The following SNRNP200 variants were observed in gnomAD, a reference collection of about 807,000 sequenced individuals.
SNRNP200 encodes the protein U5 small nuclear ribonucleoprotein 200 kDa helicase.
SNRNP200 carries 66 observed loss-of-function variants against 255.2 expected under a neutral mutation model. That is an observed-to-expected ratio of 0.26 (90% CI 0.21 to 0.32). The LOEUF (loss-of-function observed/expected upper bound fraction) is 0.32. Among genes scored for constraint, SNRNP200 ranks in the 10% least tolerant of loss-of-function variants. The pLI is 1.00. For missense variants in SNRNP200, 1,585 were observed against 2,749.8 expected (o/e 0.58, Z 9.47); for synonymous variants, 939 against 1,027.8 (o/e 0.91, Z 1.65).
rs1295184915 is a variant in SNRNP200 at position 96,277,731 on chromosome 2, A to G, written c.5755-16T>C. ...GCCGGATTGCCTGAACAGGAAAAGGAGTATAAAAGTGGGCGGAGTTGGAGC... is the reference window on the plus strand; with the variant it reads ...GCCGGATTGCCTGAACAGGAAAAGGGGTATAAAAGTGGGCGGAGTTGGAGC... On this transcript the variant is annotated splice_polypyrimidine_tract_variant and intron_variant, in intron 40 of 44. Transcript: ENST00000323853. The surrounding 1 kb of genome is among the most constrained non-coding windows in gnomAD (Gnocchi z 4.4). 10 of 1,614,164 alleles carry G rather than the reference A, an allele frequency of 6.2e-6. No homozygotes were observed. The highest frequency in any genetic ancestry group is 8.5e-6 in the Non-Finnish European group (10 of 1,180,038).
chr2:96,300,205 C>G (rs764228040), intron 5 of SNRNP200, among the ~76,000 whole-genome samples: 17 of 152,152 alleles, frequency 1.1e-4, no homozygotes, highest in Non-Finnish European at 2.1e-4. Flanking sequence ...TCTCAAAGTA[C>G]CCCACTTATT....
Position 96,285,285 on chromosome 2 carries a change from G to A in SNRNP200, c.4059C>T (p.Gly1353=), listed in dbSNP as rs1396700146. 18 of 1,614,012 alleles carry A rather than the reference G, an allele frequency of 1.1e-5. No homozygotes were observed. The highest frequency in any genetic ancestry group is 1.4e-5 in the Non-Finnish European group (17 of 1,180,040). Residue 1353 remains glycine (G), a synonymous_variant, in exon 30 of 45, where the codon GGC becomes GGT. Transcript: ENST00000323853. ...DDNVFVGAPT[G]SGKTICAEFA... ...ACTCTGCACAAATAGTCTTCCCGCT[G>A]CCCGTGGGGGCCCCCACAAACACGT...
chr2:96,287,613 C>A lies in SNRNP200; in HGVS notation c.3366-56G>T, dbSNP rs2063851678. ...CCTTCTGCAGGGATGTGACAAACCA[C>A]CCACTTCATGGCTTCCAATAGTTTA... On this transcript the variant is annotated intron_variant, in intron 25 of 44. Transcript: ENST00000323853. This position sits in a 1 kb window ranked among gnomAD's most constrained non-coding sequence, Gnocchi z 5.7. The A allele has an allele frequency of 5.4e-6, 7 of 1,285,660 alleles. No individual in the cohort carries two copies. The highest frequency in any genetic ancestry group is 8.0e-6 in the Non-Finnish European group (7 of 880,378). 79.6% of individuals were successfully genotyped at this position (1,285,660 alleles called of 1,614,324 possible).
At chr2:96,303,003 G>A (rs2063962596) in intron 3 of SNRNP200, among the ~76,000 whole-genome samples, 156 bp downstream of exon 3, 1 of 152,154 alleles carries the variant, frequency 6.6e-6, no homozygotes, top group African/African-American at 2.4e-5. Context: ...TAAATGACCA[G>A]CCTCCATTCT....
intron 3 of SNRNP200, 79 bp downstream of exon 3, chr2:96,303,080 A>G: frequency 6.7e-7 from 1 of 1,494,318 alleles, no homozygotes; most frequent in African/African-American, 1.4e-5. Flanking sequence ...TAGCACTTCG[A>G]AGATTCCAAG....
In SNRNP200 at chr2:96,291,594, A is replaced by G; in HGVS notation, c.2311-92T>C. On this transcript the variant is annotated intron_variant, in intron 17 of 44. Transcript: ENST00000323853. The surrounding 1 kb of genome is among the most constrained non-coding windows in gnomAD (Gnocchi z 4.2). ...CTCCTCCCATGAGACCCTGCCCCTT[A>G]ACTATTATGTGGAATAGTAATAATC... 1.6e-6 allele frequency: 2 copies of G among 1,240,220 alleles called. No individual in the cohort carries two copies. The highest frequency in any genetic ancestry group is 2.4e-6 in the Non-Finnish European group (2 of 843,294). The allele number at this position is 1,240,220 out of a possible 1,614,324, so 76.8% of individuals were successfully genotyped here.
chr2:96,281,984 G>A (rs548742328), intron 34 of SNRNP200, 62 bp from the exon 35 acceptor site: 2 of 1,282,620 alleles, frequency 1.6e-6, no homozygotes, highest in African/African-American at 1.5e-5. Context: ...TAGGCTCACT[G>A]CCTCATGGGC....
chr2:96,301,448 A>G (rs1367318848), intron 4 of SNRNP200, 76 bp downstream of exon 4: 2 of 1,454,532 alleles, frequency 1.4e-6, no homozygotes, highest in Middle Eastern at 1.7e-4. Flanking sequence ...TTTTTAAATG[A>G]ATGATGCTAG....
intron 9 of SNRNP200, among the ~76,000 whole-genome samples, chr2:96,297,967 C>T (rs1037825745): frequency 6.6e-6 from 1 of 152,196 alleles, no homozygotes; most frequent in African/African-American, 2.4e-5. Context: ...AGGGCTACCC[C>T]TGAGGGGTCG....
Position 96,293,456 on chromosome 2 carries a change from C to G in SNRNP200, c.1896G>C (p.Val632=). The change falls in exon 15 of 45, where the codon GTG becomes GTC. Residue 632 remains valine (V), a synonymous_variant. Coordinates refer to ENST00000323853, the MANE Select transcript of SNRNP200 (RefSeq NM_014014.5). The part of the protein sequence containing the change: ...DDRGPVLEAL[V]ARAIRNIEMT... ...TCTCAATGTTTCGGATGGCCCTGGC[C>G]ACTAAAGCTTCTAAGACAGGACCTC... The G allele has an allele frequency of 6.2e-7, 1 of 1,612,972 alleles. No individual in the cohort carries two copies. The highest frequency in any genetic ancestry group is 8.5e-7 in the Non-Finnish European group (1 of 1,180,024).
chr2:96,290,370 T>G lies in SNRNP200; in HGVS notation c.2698A>C (p.Met900Leu), dbSNP rs2063876895. The G allele has an allele frequency of 6.2e-7, 1 of 1,614,222 alleles. No homozygotes were observed. Among genetic ancestry groups the G allele is most frequent in the Non-Finnish European group, 8.5e-7 (1 of 1,180,040 alleles). Residue 900 changes from methionine (M) to leucine (L), a missense_variant, in exon 20 of 45, where the codon ATG (methionine) becomes CTG (leucine). By Grantham distance (15) the Met-to-Leu change is conservative. Around this residue, in one of 9 missense-constraint regions of SNRNP200, gnomAD observed 719 missense variants for 1,091.1 expected, o/e 0.66. Coordinates refer to ENST00000323853, the MANE Select transcript of SNRNP200 (RefSeq NM_014014.5). The surrounding 1 kb of genome is among the most constrained non-coding windows in gnomAD (Gnocchi z 4.5). ...CCTAGCACGATTTCTGCATTGAGCA[T>G]GTCAGGAAGCTTTGAAACCATCTGG... is the stretch of plus-strand genomic sequence containing the variant. ...ESQMVSKLPDMLNAEIVLGNV... is the reference protein window; with the variant it reads ...ESQMVSKLPDLLNAEIVLGNV...
chr2:96,289,204 C>G, intron 22 of SNRNP200, 23 bp downstream of exon 22: 1 of 1,614,218 alleles, frequency 6.2e-7, no homozygotes, highest in South Asian at 1.1e-5. Context: ...AACTCCCCGC[C>G]CCATCATGCT....
At position 96,290,865 on chromosome 2, in the gene SNRNP200, G is replaced by A; in HGVS notation, c.2422-50C>T. The A allele has an allele frequency of 6.2e-7, 1 of 1,611,328 alleles. No individual in the cohort carries two copies. Among genetic ancestry groups the A allele is most frequent in the Non-Finnish European group, 8.5e-7 (1 of 1,177,978 alleles). On this transcript the variant is annotated intron_variant, in intron 18 of 44. Coordinates refer to ENST00000323853, the MANE Select transcript of SNRNP200 (RefSeq NM_014014.5). The surrounding 1 kb of genome is among the most constrained non-coding windows in gnomAD (Gnocchi z 4.5). Reference sequence around the variant, plus strand: ...AGGAGAACAGATGCCATCACCAGGGGTTAATATCCCTGGCTTCTCTAGGCA... The same window carrying A: ...AGGAGAACAGATGCCATCACCAGGGATTAATATCCCTGGCTTCTCTAGGCA...
Position 96,283,769 on chromosome 2 carries a change from A to T in SNRNP200, c.4584+44T>A, listed in dbSNP as rs771652822. ...GGTTATCAGACCTGGGTCACTCAGG[A>T]TCTATGTGACACCCCACAGACGGAT... On this transcript the variant is annotated intron_variant, in intron 32 of 44. Transcript: ENST00000323853. The surrounding 1 kb of genome is among the most constrained non-coding windows in gnomAD (Gnocchi z 4.7). The T allele has an allele frequency of 4.3e-5, 70 of 1,613,692 alleles. No individual in the cohort carries two copies. Among genetic ancestry groups the T allele is most frequent in the Non-Finnish European group, 5.7e-5 (67 of 1,179,832 alleles).
At position 96,277,783 on chromosome 2, in the gene SNRNP200, C is replaced by T. The variant is rs1684692802; in HGVS notation, c.5754+24G>A. The T allele has an allele frequency of 6.2e-7, 1 of 1,614,094 alleles. No homozygotes were observed. On this transcript the variant is annotated intron_variant, in intron 40 of 44. Coordinates refer to ENST00000323853, the MANE Select transcript of SNRNP200 (RefSeq NM_014014.5). This position sits in a 1 kb window ranked among gnomAD's most constrained non-coding sequence, Gnocchi z 4.4. ...GAGATGTTTAGAGCACCACTGACCC[C>T]TCTGCCCCACACCCACACTCTACCT... is the stretch of plus-strand genomic sequence containing the variant.
intron 13 of SNRNP200, 32 bp downstream of exon 13, chr2:96,296,504 G>C (rs560333756): frequency 6.2e-7 from 1 of 1,611,926 alleles, no homozygotes; most frequent in South Asian, 1.1e-5. Flanking sequence ...GGTGCACCCA[G>C]TATCCTCTGC....
In SNRNP200 at chr2:96,285,273, A is replaced by C. The variant is rs756585483; in HGVS notation, c.4071T>G (p.Thr1357=). The change falls in exon 30 of 45, where the codon ACT becomes ACG. Residue 1357 remains threonine, a synonymous_variant. Transcript: ENST00000323853. ...FVGAPTGSGK[T]ICAEFAILRM... is the part of the protein sequence containing the mutation. ...GCAGGATGGCAAACTCTGCACAAATAGTCTTCCCGCTGCCCGTGGGGGCCC... is the reference window on the plus strand; with the variant it reads ...GCAGGATGGCAAACTCTGCACAAATCGTCTTCCCGCTGCCCGTGGGGGCCC... The C allele has an allele frequency of 4.3e-5, 70 of 1,614,022 alleles. No homozygotes were observed. Among genetic ancestry groups the C allele is most frequent in the Non-Finnish European group, 5.8e-5 (68 of 1,180,034 alleles).
chr2:96,291,551 T>A lies in SNRNP200; in HGVS notation c.2311-49A>T, dbSNP rs372402598. The A allele has an allele frequency of 2.2e-5, 30 of 1,339,742 alleles. No individual in the cohort carries two copies. Among genetic ancestry groups the A allele is most frequent in the Non-Finnish European group, 3.0e-5 (28 of 930,804 alleles). The allele number at this position is 1,339,742 out of a possible 1,614,324, so 83.0% of individuals were successfully genotyped here. ...GAGGCGAGCCTTCCTGTAGGACTCA[T>A]CCAAGGACTAAGGAAATCTCCTCCC... On this transcript the variant is annotated intron_variant, in intron 17 of 44. Transcript: ENST00000323853. This position sits in a 1 kb window ranked among gnomAD's most constrained non-coding sequence, Gnocchi z 4.2.
At chr2:96,292,297 G>C (rs143115710) in intron 16 of SNRNP200, among the ~76,000 whole-genome samples, 1 of 152,324 alleles carries the variant, frequency 6.6e-6, no homozygotes, top group East Asian at 1.9e-4. Flanking sequence ...TAGGAAATAA[G>C]TCTGAGACTA....
Sources: gnomAD v4.1 joint callset for allele counts (sites outside exome capture counted in the v4.1 genomes callset) on GRCh38, gnomAD v4.1.1 for gene constraint, gnomAD v4.1.1 regional missense constraint, Gnocchi (gnomAD v3.1) non-coding constraint, MANE v1.5 for transcripts, NCBI Gene and HGNC (gene_info 2026-07-23, HGNC 2026-07-21) for gene names.